SYNPR: variants seen among roughly 807,000 people sequenced by gnomAD.
SYNPR encodes the protein synaptoporin.
SYNPR carries 23 observed loss-of-function variants against 32.9 expected under a neutral mutation model. That is an observed-to-expected ratio of 0.70 (90% CI 0.50 to 0.99). The LOEUF (loss-of-function observed/expected upper bound fraction) is 0.99, where lower values mean the gene tolerates loss of function less well. Ranked by LOEUF, SYNPR falls within the 50% of genes least tolerant of loss-of-function variation. The pLI is 0.00. For missense variants in SYNPR, 318 were observed against 349.3 expected (o/e 0.91, Z 0.71); for synonymous variants, 146 against 135.9 (o/e 1.07, Z -0.52).
intron 4 of SYNPR, among the ~76,000 whole-genome samples, chr3:63,575,372 C>G (rs1429347782): frequency 6.6e-6 from 1 of 152,120 alleles, no homozygotes; most frequent in Non-Finnish European, 1.5e-5. Context: ...CTTCCATGAT[C>G]CCCTGTTCCT....
At chr3:63,577,630 T>C (rs765590342) in intron 4 of SYNPR, among the ~76,000 whole-genome samples, 9 of 151,870 alleles carry the variant, frequency 5.9e-5, no homozygotes, top group Non-Finnish European at 1.0e-4. Context: ...TGAATGTAGG[T>C]ATGTGTGAGT....
chr3:63,428,284 A>G (rs1699926317), intron 2 of SYNPR, among the ~76,000 whole-genome samples: 1 of 152,238 alleles, frequency 6.6e-6, no homozygotes, highest in African/African-American at 2.4e-5. Flanking sequence ...TGATCAGAAA[A>G]TTCAGGATTT....
rs190591009 is a variant in SYNPR at position 63,324,710 on chromosome 3, G to A, written c.84+45968G>A. 6.1e-4 allele frequency among the ~76,000 whole-genome samples: 93 copies of A among 152,180 alleles called. 1 individual carries two copies. The highest frequency in any genetic ancestry group is 2.1e-3 in the African/African-American group (88 of 41,540). On this transcript the variant is annotated intron_variant, in intron 2 of 5. Transcript: ENST00000478300. ...TGAAATCTGGATCTCCTACTAGAAA[G>A]GGAAGCTGCCTGCAGTGGAATCTGC...
chr3:63,474,453 GTGAA>G (rs1700862064), intron 2 of SYNPR, among the ~76,000 whole-genome samples: 1 of 152,176 alleles, frequency 6.6e-6, no homozygotes, highest in South Asian at 2.1e-4. Context: ...GGATGAATGA[GTGAA>G]TGAATGATTA....
intron 2 of SYNPR, among the ~76,000 whole-genome samples, chr3:63,283,810 CTTTTT>C (rs142282438): frequency 2.3e-5 from 2 of 87,136 alleles, no homozygotes; most frequent in South Asian, 4.8e-4. Context: ...AGATAATTAC[CTTTTT>C]TTTTTTTTTT....
At position 63,477,427 on chromosome 3, in the gene SYNPR, T is replaced by C. The variant is rs547813670; in HGVS notation, c.85-3405T>C. 7.2e-5 allele frequency among the ~76,000 whole-genome samples: 11 copies of C among 152,282 alleles called. No homozygotes were observed. In the South Asian group the frequency reaches 1.2e-3, roughly 17 times the overall value. Reference sequence around the variant, plus strand: ...TATAGTATGATTTCCCTTTAAGCAGTTGTCATGCTCAGGGTCAGGTTCCTG... The same window carrying C: ...TATAGTATGATTTCCCTTTAAGCAGCTGTCATGCTCAGGGTCAGGTTCCTG... On this transcript the variant is annotated intron_variant, in intron 2 of 5. Coordinates refer to ENST00000478300, the MANE Select transcript of SYNPR (RefSeq NM_001130003.2).
At chr3:63,288,182 G>T (rs1326017861) in intron 2 of SYNPR, among the ~76,000 whole-genome samples, 2 of 152,172 alleles carry the variant, frequency 1.3e-5, no homozygotes, top group African/African-American at 4.8e-5. Context: ...TCTACAAATT[G>T]GTTGCCATAG....
intron 2 of SYNPR, among the ~76,000 whole-genome samples, chr3:63,447,348 A>G (rs891850379): frequency 6.6e-6 from 1 of 152,194 alleles, no homozygotes; most frequent in African/African-American, 2.4e-5. Flanking sequence ...ATTGTACTCC[A>G]TCTTGCCTAT....
At chr3:63,276,058 A>C (rs1209009520), upstream of SYNPR, among the ~76,000 whole-genome samples, 1 of 152,212 alleles carries the variant, frequency 6.6e-6, no homozygotes, top group Non-Finnish European at 1.5e-5. Context: ...ATGTCCATCA[A>C]GGTCTGGTTG....
intron 2 of SYNPR, among the ~76,000 whole-genome samples, chr3:63,388,367 A>C (rs2088082782): frequency 1.3e-5 from 2 of 149,604 alleles, no homozygotes; most frequent in African/African-American, 2.5e-5. Context: ...AACCCAAGTA[A>C]AGTTTGGAGC....
At chr3:63,360,788 A>G (rs1470366452) in intron 2 of SYNPR, among the ~76,000 whole-genome samples, 1 of 152,150 alleles carries the variant, frequency 6.6e-6, no homozygotes, top group Non-Finnish European at 1.5e-5. Context: ...AGCATTACTG[A>G]CTGCACTACC....
chr3:63,604,434 T>C (rs141914386), intron 4 of SYNPR, among the ~76,000 whole-genome samples: 2 of 152,264 alleles, frequency 1.3e-5, no homozygotes, highest in Admixed American at 6.5e-5. Flanking sequence ...GTTGTGATAT[T>C]AGGTTGTTAA....
intron 2 of SYNPR, among the ~76,000 whole-genome samples, chr3:63,424,630 C>A (rs1301436674): frequency 1.3e-5 from 2 of 152,034 alleles, no homozygotes; most frequent in African/African-American, 4.8e-5. Flanking sequence ...TATCTTTAAA[C>A]CTTCCGGATT....
At chr3:63,575,951 T>C (rs1291276421) in intron 4 of SYNPR, among the ~76,000 whole-genome samples, 1 of 152,170 alleles carries the variant, frequency 6.6e-6, no homozygotes, top group Non-Finnish European at 1.5e-5. Flanking sequence ...ATTGTGCAAA[T>C]AAACATTTCT....
intron 4 of SYNPR, among the ~76,000 whole-genome samples, chr3:63,574,036 A>G (rs1460959636): frequency 1.3e-5 from 2 of 152,118 alleles, no homozygotes; most frequent in Non-Finnish European, 2.9e-5. Context: ...TGGAATCTAA[A>G]ATATTTATGT....
intron 2 of SYNPR, among the ~76,000 whole-genome samples, chr3:63,416,381 A>G (rs2088538913): frequency 6.6e-6 from 1 of 152,058 alleles, no homozygotes; most frequent in East Asian, 1.9e-4. Context: ...GAAATAGAAA[A>G]ATTAGCCAGG....
chr3:63,305,183 T>C (rs2086898353), intron 2 of SYNPR, among the ~76,000 whole-genome samples: 1 of 151,994 alleles, frequency 6.6e-6, no homozygotes, highest in South Asian at 2.1e-4. Context: ...AATGAGCCTA[T>C]GTACAATCTC....
At chr3:63,550,045 C>T (rs1702474407) in intron 3 of SYNPR, 1 of 152,116 alleles carries the variant, frequency 6.6e-6, no homozygotes, top group South Asian at 2.1e-4. Context: ...CCGTCAACAT[C>T]CAGGTTCTGT....
intron 3 of SYNPR, among the ~76,000 whole-genome samples, chr3:63,528,465 C>G (rs1702056248): frequency 6.6e-6 from 1 of 152,036 alleles, no homozygotes; most frequent in Admixed American, 6.6e-5. Context: ...AAAAAGTTGC[C>G]TATCTCTGGC....
Sources: gnomAD v4.1 joint callset for allele counts (sites outside exome capture counted in the v4.1 genomes callset) on GRCh38, gnomAD v4.1.1 for gene constraint, MANE v1.5 for transcripts, NCBI Gene and HGNC (gene_info 2026-07-23, HGNC 2026-07-21) for gene names.